The following ZNF407 variants were observed in gnomAD, a reference collection of about 807,000 sequenced individuals.
The protein encoded by ZNF407 is zinc finger protein 407.
Under a neutral mutation model 131.2 loss-of-function variants are expected in ZNF407, and 17 were observed. The observed-to-expected ratio is 0.13, with a 90% confidence interval of 0.09 to 0.19. The LOEUF (loss-of-function observed/expected upper bound fraction) is 0.19. ZNF407 is among the 10% of genes least tolerant of loss of function. The probability of loss-of-function intolerance (pLI) is 1.00; values close to 1 mark genes in which losing one functional copy is unlikely to be tolerated. For synonymous variants in ZNF407, 1,156 were observed against 1,062.0 expected, an observed-to-expected ratio of 1.09 and a Z score of -1.72; for missense variants, 2,681 against 2,830.6, an observed-to-expected ratio of 0.95 and a Z score of 1.20.
chr18:74,934,895 TG>T (rs1329126695), intron 8 of ZNF407, among the ~76,000 whole-genome samples: 1 of 152,228 alleles, frequency 6.6e-6, no homozygotes. Context: ...AAATAGTGCC[TG>T]CCACTTATTA....
rs998678320 is a variant in ZNF407 at position 74,703,296 on chromosome 18, C to T, written c.4802+62174C>T. On this transcript the variant is annotated intron_variant, in intron 3 of 8. Coordinates refer to ENST00000299687, the MANE Select transcript of ZNF407 (RefSeq NM_017757.3). This position sits in a 1 kb window ranked among gnomAD's most constrained non-coding sequence, Gnocchi z 4.1. ...AGTTCACAGCCTAGATGAGACGACC[C>T]ATTACAGAGCTACCACAGAGAGTTT... Among the ~76,000 whole-genome samples, 5 of 152,172 alleles carry T rather than the reference C, an allele frequency of 3.3e-5. No homozygotes were observed. The highest frequency in any genetic ancestry group is 1.2e-4 in the African/African-American group (5 of 41,438).
intron 4 of ZNF407, among the ~76,000 whole-genome samples, chr18:74,824,032 C>T (rs553532454): frequency 1.3e-5 from 2 of 152,292 alleles, no homozygotes; most frequent in South Asian, 2.1e-4. Context: ...ACAGTGGAAT[C>T]GAATTAGAAC....
intron 8 of ZNF407, among the ~76,000 whole-genome samples, chr18:74,942,927 T>G (rs1972116126): frequency 6.6e-6 from 1 of 151,996 alleles, no homozygotes; most frequent in Non-Finnish European, 1.5e-5. Flanking sequence ...TCTTTTTTTT[T>G]TTGTTTGAGA....
intron 1 of ZNF407, among the ~76,000 whole-genome samples, chr18:74,623,214 G>A (rs1273698515): frequency 6.6e-6 from 1 of 151,822 alleles, no homozygotes; most frequent in South Asian, 2.1e-4. Flanking sequence ...GTGAATATGT[G>A]ACTGCGTGTG....
intron 1 of ZNF407, among the ~76,000 whole-genome samples, chr18:74,612,658 A>G (rs532978629): frequency 1.3e-5 from 2 of 152,326 alleles, no homozygotes; most frequent in East Asian, 3.9e-4. Flanking sequence ...AGGCACTGAT[A>G]TGAACACGTG....
intron 3 of ZNF407, among the ~76,000 whole-genome samples, chr18:74,737,816 A>G (rs1968453274): frequency 6.6e-6 from 1 of 152,228 alleles, no homozygotes; most frequent in Non-Finnish European, 1.5e-5. Flanking sequence ...CACATGTTCT[A>G]GATTTAAAAA....
intron 7 of ZNF407, chr18:74,898,041 T>A (rs1465056222): frequency 1.3e-5 from 2 of 152,218 alleles, no homozygotes; most frequent in Non-Finnish European, 2.9e-5. Flanking sequence ...TATTCTGAAA[T>A]ATTGCCTGTC....
intron 8 of ZNF407, among the ~76,000 whole-genome samples, chr18:75,033,214 G>A: frequency 7.4e-6 from 1 of 135,426 alleles, no homozygotes. Context: ...TCGGAATGGG[G>A]GGAAGATAGT....
intron 3 of ZNF407, among the ~76,000 whole-genome samples, chr18:74,726,234 G>A (rs1968155066): frequency 6.6e-6 from 1 of 152,000 alleles, no homozygotes; most frequent in Non-Finnish European, 1.5e-5. Flanking sequence ...CTGCCTCTAT[G>A]CTTTCTGCAT....
intron 8 of ZNF407, among the ~76,000 whole-genome samples, chr18:74,944,500 A>G (rs1972133523): frequency 6.6e-6 from 1 of 152,222 alleles, no homozygotes; most frequent in Non-Finnish European, 1.5e-5. Context: ...CCAGTATTCT[A>G]GATTTTTTTA....
chr18:74,666,478 G>A (rs1171434999), intron 3 of ZNF407, among the ~76,000 whole-genome samples: 3 of 152,270 alleles, frequency 2.0e-5, no homozygotes, highest in East Asian at 1.9e-4. Context: ...GTTGCCTTCC[G>A]TGTCTGGAGC....
In ZNF407 at chr18:74,842,601, TGTG is replaced by T. The variant is rs2145133507; in HGVS notation, c.4878-34595_4878-34593del. On this transcript the variant is annotated intron_variant, in intron 4 of 8. Coordinates refer to ENST00000299687, the MANE Select transcript of ZNF407 (RefSeq NM_017757.3). ...GACCCTGGAAGTTTTTCCCTAGTGA[TGTG>T]TGTGTGTGTGTGTGTGTGTGAGATT... Among the ~76,000 whole-genome samples, 2 of 370 alleles carry T rather than the reference TGTG, an allele frequency of 5.4e-3. 1 individual carries two copies. The highest frequency in any genetic ancestry group is 0.25 in the South Asian group (2 of 8). 0.2% of individuals were successfully genotyped at this position (370 alleles called of 152,430 possible).
At chr18:75,037,742 C>T (rs1484814094) in intron 8 of ZNF407, among the ~76,000 whole-genome samples, 1 of 152,202 alleles carries the variant, frequency 6.6e-6, no homozygotes, top group African/African-American at 2.4e-5. Flanking sequence ...CCATGAAAGA[C>T]TGCGATCTGT....
intron 3 of ZNF407, among the ~76,000 whole-genome samples, chr18:74,672,560 G>A (rs1986192400): frequency 6.6e-6 from 1 of 151,428 alleles, no homozygotes; most frequent in Admixed American, 6.6e-5. Flanking sequence ...GTTCATTGGA[G>A]CACTGTTTGT....
At chr18:74,601,652 C>G (rs10454723) in intron 1 of ZNF407, among the ~76,000 whole-genome samples, 88,060 of 151,950 alleles carry the variant, frequency 0.58, 27,066 homozygotes, top group East Asian at 0.82. Context: ...ATGGCAAGAG[C>G]AGGAGCGAGA....
At chr18:75,043,977 A>G (rs571977326) in intron 8 of ZNF407, among the ~76,000 whole-genome samples, 1 of 152,340 alleles carries the variant, frequency 6.6e-6, no homozygotes, top group African/African-American at 2.4e-5. Flanking sequence ...AGCAATTATG[A>G]ATTATTCTAA....
In ZNF407 at chr18:74,615,567, G is replaced by C. The variant is rs2144627812; in HGVS notation, c.-53-15400G>C. 1.3e-5 allele frequency among the ~76,000 whole-genome samples: 2 copies of C among 152,266 alleles called. 1 individual carries two copies. The highest frequency in any genetic ancestry group is 4.1e-4 in the South Asian group (2 of 4,828). On this transcript the variant is annotated intron_variant, in intron 1 of 8. Coordinates refer to ENST00000299687, the MANE Select transcript of ZNF407 (RefSeq NM_017757.3). ...ACATATTCTAGCAGTTGTAAGTGAG[G>C]GCATTAAATTCTTGTTGGGTTGGTT...
intron 3 of ZNF407, among the ~76,000 whole-genome samples, chr18:74,642,065 T>G (rs1984748257): frequency 6.6e-6 from 1 of 152,126 alleles, no homozygotes; most frequent in African/African-American, 2.4e-5. Context: ...TAGTACCATG[T>G]AAATACGTTT....
intron 4 of ZNF407, among the ~76,000 whole-genome samples, chr18:74,798,906 G>C (rs1294249292): frequency 6.6e-6 from 1 of 152,016 alleles, no homozygotes; most frequent in East Asian, 1.9e-4. Flanking sequence ...TAATAGTGTT[G>C]ATGCTTTGAA....
Sources: gnomAD v4.1 joint callset for allele counts (sites outside exome capture counted in the v4.1 genomes callset) on GRCh38, gnomAD v4.1.1 for gene constraint, Gnocchi (gnomAD v3.1) non-coding constraint, MANE v1.5 for transcripts, NCBI Gene and HGNC (gene_info 2026-07-23, HGNC 2026-07-21) for gene names.